The following LRRC56 variants were observed in gnomAD, a reference collection of about 807,000 sequenced individuals.
LRRC56 encodes the protein leucine-rich repeat-containing protein 56.
LRRC56 carries 41 observed loss-of-function variants against 47.8 expected under a neutral mutation model. The ratio of observed to expected loss-of-function variants is 0.86; its 90% confidence interval spans 0.67 to 1.11. The LOEUF (loss-of-function observed/expected upper bound fraction) is 1.11, where lower values mean the gene tolerates loss of function less well. Among genes scored for constraint, LRRC56 ranks in the 50% most tolerant of loss-of-function variants. LRRC56 has a pLI of 0.00. For synonymous variants in LRRC56, 387 were observed against 311.2 expected (o/e 1.24, Z -2.56); for missense variants, 759 against 704.2 (o/e 1.08, Z -0.88).
upstream of LRRC56, chr11:533,285 G>T (rs45479892): frequency 1.9e-6 from 3 of 1,593,546 alleles, no homozygotes; most frequent in Non-Finnish European, 2.6e-6. Flanking sequence ...ACAGCGCGAG[G>T]GGCCGCTGGG....
chr11:538,532 G>C (rs4963176), intron 1 of LRRC56, 66 bp from the exon 2 acceptor site: 57,617 of 152,082 alleles, frequency 0.38, 11,616 homozygotes, highest in African/African-American at 0.51. Flanking sequence ...GACCAGGCCA[G>C]TGAGGCACCC....
At chr11:513,475 A>G in the LRRC56 span, among the ~76,000 whole-genome samples, 1 of 152,118 alleles carries the variant, frequency 6.6e-6, no homozygotes, top group Admixed American at 6.6e-5. Flanking sequence ...CTTTCTCGAG[A>G]TGGAATCTGC....
the LRRC56 span, among the ~76,000 whole-genome samples, chr11:526,702 C>T: frequency 0.096 from 14,522 of 151,992 alleles, 936 homozygotes; most frequent in Admixed American, 0.19. Context: ...TTTGGGAGGC[C>T]CAGGTGGGTG....
At position 551,768 on chromosome 11, in the gene LRRC56, C is replaced by T; in HGVS notation, c.914C>T (p.Pro305Leu). Residue 305 changes from proline to leucine, a missense_variant, in exon 10 of 14, where the codon CCT (proline) becomes CTT (leucine). Physicochemically the swap from Pro to Leu is moderately conservative, Grantham distance 98. Transcript: ENST00000270115. Reference protein sequence around the residue: ...FSLLVRGGPLPEGLLSEDLAP... With the variant: ...FSLLVRGGPLLEGLLSEDLAP... Reference sequence around the variant, plus strand: ...CTGCTGGTCCGTGGGGGCCCCCTGCCTGAAGGCCTGCTTTCTGAGGACCTG... The same window carrying T: ...CTGCTGGTCCGTGGGGGCCCCCTGCTTGAAGGCCTGCTTTCTGAGGACCTG... 1 of 1,610,794 alleles carries T rather than the reference C, an allele frequency of 6.2e-7. No individual in the cohort carries two copies. Among genetic ancestry groups the T allele is most frequent in the Non-Finnish European group, 8.5e-7 (1 of 1,178,936 alleles).
intron 2 of LRRC56, among the ~76,000 whole-genome samples, chr11:539,310 C>T (rs1851670279): frequency 1.3e-5 from 2 of 151,270 alleles, no homozygotes; most frequent in South Asian, 2.1e-4. Flanking sequence ...TGGTCTTGAT[C>T]TCCTGATCTT....
At chr11:547,606 C>T (rs988887178) in intron 6 of LRRC56, among the ~76,000 whole-genome samples, 1 of 151,918 alleles carries the variant, frequency 6.6e-6, no homozygotes, top group Non-Finnish European at 1.5e-5. Flanking sequence ...CCCGCCTCGG[C>T]CTCCCAAAAT....
chr11:540,599 G>A (rs1851742550), intron 3 of LRRC56, 75 bp from the exon 4 acceptor site: 5 of 1,342,468 alleles, frequency 3.7e-6, no homozygotes, highest in Non-Finnish European at 5.2e-6. Flanking sequence ...GTTGAGGGCT[G>A]GGCCAGGGTC....
rs368945957 is a variant in LRRC56 at position 541,242 on chromosome 11, G to T, written c.178-295G>T. Reference sequence around the variant, plus strand: ...CAAAGCTCAGGGCAGGGCCCGGCGCGGTCCGGGCTCTGGGTGCCGGGTGTG... The same window carrying T: ...CAAAGCTCAGGGCAGGGCCCGGCGCTGTCCGGGCTCTGGGTGCCGGGTGTG... On this transcript the variant is annotated intron_variant, in intron 4 of 13. Transcript: ENST00000270115. This position sits in a 1 kb window ranked among gnomAD's most constrained non-coding sequence, Gnocchi z 4.1. Among the ~76,000 whole-genome samples, 1 of 152,138 alleles carries T rather than the reference G, an allele frequency of 6.6e-6. No homozygotes were observed. Among genetic ancestry groups the T allele is most frequent in the Non-Finnish European group, 1.5e-5 (1 of 68,012 alleles).
the LRRC56 span, among the ~76,000 whole-genome samples, chr11:516,323 G>T: frequency 5.1e-4 from 78 of 152,092 alleles, no homozygotes; most frequent in Admixed American, 1.0e-3. Flanking sequence ...AGCCCCAGAG[G>T]CGGAGGCTGC....
the LRRC56 span, among the ~76,000 whole-genome samples, chr11:509,019 TG>T: frequency 1.3e-5 from 2 of 152,096 alleles, no homozygotes; most frequent in Non-Finnish European, 2.9e-5. Context: ...TACTCCAGCC[TG>T]GGCAACAAGA....
At chr11:552,980 G>T (rs911563841) in intron 13 of LRRC56, among the ~76,000 whole-genome samples, 1 of 152,220 alleles carries the variant, frequency 6.6e-6, no homozygotes, top group Non-Finnish European at 1.5e-5. Context: ...AAGGGGGTAT[G>T]AACAGAGTCC....
upstream of LRRC56, chr11:535,474 G>T (rs569563136): frequency 1.1e-3 from 167 of 147,350 alleles, no homozygotes; most frequent in Non-Finnish European, 2.0e-3. Flanking sequence ...GGGCGGGGCG[G>T]GGGCGGGGGC....
At chr11:547,967 A>G (rs1432799714) in intron 6 of LRRC56, among the ~76,000 whole-genome samples, 1 of 152,016 alleles carries the variant, frequency 6.6e-6, no homozygotes, top group Non-Finnish European at 1.5e-5. Flanking sequence ...ATCTACTAAA[A>G]ATACAAAAAT....
chr11:551,019 G>A (rs1852353254), intron 8 of LRRC56, 112 bp from the exon 9 acceptor site: 2 of 619,446 alleles, frequency 3.2e-6, no homozygotes, highest in Non-Finnish European at 5.4e-6. Flanking sequence ...CCACCTCTGG[G>A]CCCCTGCCCT....
At chr11:538,395 G>A (rs1851626839) in intron 1 of LRRC56, among the ~76,000 whole-genome samples, 1 of 152,212 alleles carries the variant, frequency 6.6e-6, no homozygotes, top group Non-Finnish European at 1.5e-5. Context: ...TTGGGGTCCT[G>A]CTGTGAGGCC....
the LRRC56 span, among the ~76,000 whole-genome samples, chr11:514,515 C>T: frequency 2.0e-5 from 3 of 151,854 alleles, no homozygotes; most frequent in Non-Finnish European, 4.4e-5. Context: ...CTCCTGAGCT[C>T]ATGCAATCTG....
At chr11:545,686 G>T (rs939209750) in intron 6 of LRRC56, among the ~76,000 whole-genome samples, 2 of 152,210 alleles carry the variant, frequency 1.3e-5, no homozygotes, top group Non-Finnish European at 2.9e-5. Flanking sequence ...GACGTTGGCG[G>T]CTCTCACGTC....
the LRRC56 span, among the ~76,000 whole-genome samples, chr11:530,499 G>T: frequency 7.4e-6 from 1 of 135,940 alleles, no homozygotes; most frequent in Non-Finnish European, 1.6e-5. Flanking sequence ...CTGGAGAGAA[G>T]GGCGAGTGTG....
chr11:553,234 C>T (rs1435145773), intron 13 of LRRC56, among the ~76,000 whole-genome samples: 1 of 152,340 alleles, frequency 6.6e-6, no homozygotes, highest in South Asian at 2.1e-4. Context: ...TCAGTGTGAT[C>T]ACAGCTGCAA....
Sources: gnomAD v4.1 joint callset for allele counts (sites outside exome capture counted in the v4.1 genomes callset) on GRCh38, gnomAD v4.1.1 for gene constraint, Gnocchi (gnomAD v3.1) non-coding constraint, MANE v1.5 for transcripts, NCBI Gene and HGNC (gene_info 2026-07-23, HGNC 2026-07-21) for gene names.